KCNH8: variants seen among roughly 807,000 people sequenced by gnomAD.
The protein encoded by KCNH8 is voltage-gated delayed rectifier potassium channel KCNH8.
KCNH8 carries 70 observed loss-of-function variants against 103.6 expected under a neutral mutation model. The ratio of observed to expected loss-of-function variants is 0.68; its 90% CI spans 0.56 to 0.82. KCNH8 has a LOEUF of 0.82. Among genes scored for constraint, KCNH8 ranks in the 40% least tolerant of loss-of-function variants. The pLI is 0.00. For synonymous variants in KCNH8, 498 were observed against 489.4 expected (o/e 1.02, Z -0.23); for missense variants, 1,217 against 1,329.9 (o/e 0.92, Z 1.32).
intron 11 of KCNH8, among the ~76,000 whole-genome samples, chr3:19,488,627 A>G (rs2068259392): frequency 6.6e-6 from 1 of 152,056 alleles, no homozygotes; most frequent in Non-Finnish European, 1.5e-5. Context: ...GACCTTATTT[A>G]AATTTGTAAC....
intron 5 of KCNH8, among the ~76,000 whole-genome samples, chr3:19,354,536 T>C (rs1471958925): frequency 6.6e-6 from 1 of 152,018 alleles, no homozygotes; most frequent in African/African-American, 2.4e-5. Context: ...AACAGAGATA[T>C]AGACCAATGG....
In KCNH8 at chr3:19,194,157, C is replaced by T. The variant is rs146750744; in HGVS notation, c.76+45362C>T. On this transcript the variant is annotated intron_variant, in intron 1 of 15. Coordinates refer to ENST00000328405, the MANE Select transcript of KCNH8 (RefSeq NM_144633.3). Reference sequence around the variant, plus strand: ...TAAAATTCTGCTGGAGAAATTGCTTCTGTTTGATGCTAATAGTAGGTAATA... The same window carrying T: ...TAAAATTCTGCTGGAGAAATTGCTTTTGTTTGATGCTAATAGTAGGTAATA... 3.6e-3 allele frequency among the ~76,000 whole-genome samples: 546 copies of T among 151,516 alleles called. 6 individuals are homozygous for T. Among genetic ancestry groups the T allele is most frequent in the African/African-American group, 0.012 (511 of 41,492 alleles).
chr3:19,365,779 G>T (rs547405525), intron 5 of KCNH8, among the ~76,000 whole-genome samples: 1 of 152,016 alleles, frequency 6.6e-6, no homozygotes, highest in East Asian at 1.9e-4. Flanking sequence ...CAGGTTGCAC[G>T]TAGAAAAATA....
At chr3:19,206,131 A>G (rs2125221325) in intron 1 of KCNH8, among the ~76,000 whole-genome samples, 1 of 139,360 alleles carries the variant, frequency 7.2e-6, no homozygotes, top group South Asian at 2.1e-4. Context: ...GTTGCTGTGA[A>G]TGTCATTAAT....
intron 1 of KCNH8, among the ~76,000 whole-genome samples, chr3:19,165,677 A>G (rs1385662957): frequency 6.6e-6 from 1 of 152,198 alleles, no homozygotes; most frequent in Non-Finnish European, 1.5e-5. Context: ...CTTCCCAGAT[A>G]ATGTCTTCTT....
At chr3:19,204,991 G>C (rs1247288023) in intron 1 of KCNH8, among the ~76,000 whole-genome samples, 2 of 151,884 alleles carry the variant, frequency 1.3e-5, no homozygotes, top group African/African-American at 2.4e-5. Flanking sequence ...ACCTATTAGG[G>C]GGCATATGGT....
intron 15 of KCNH8, among the ~76,000 whole-genome samples, chr3:19,523,133 A>G (rs2125249257): frequency 6.6e-6 from 1 of 151,984 alleles, no homozygotes; most frequent in East Asian, 1.9e-4. Context: ...CTAGCATTTT[A>G]GAGACCAAGC....
intron 3 of KCNH8, among the ~76,000 whole-genome samples, chr3:19,292,077 T>C (rs111912060): frequency 1.3e-3 from 199 of 152,346 alleles, no homozygotes; most frequent in African/African-American, 4.4e-3. Flanking sequence ...GTTAATTTGG[T>C]TTTCCATTCA....
chr3:19,386,648 A>G (rs990523621), intron 5 of KCNH8, among the ~76,000 whole-genome samples: 1 of 152,136 alleles, frequency 6.6e-6, no homozygotes, highest in Non-Finnish European at 1.5e-5. Context: ...CATTAATGAT[A>G]TTAACAAGAA....
rs547225175 is a variant in KCNH8 at position 19,505,971 on chromosome 3, G to A, written c.2041-4392G>A. On this transcript the variant is annotated intron_variant, in intron 11 of 15. Coordinates refer to ENST00000328405, the MANE Select transcript of KCNH8 (RefSeq NM_144633.3). ...GGTTTATTCTGCTCTTAATAATTGA[G>A]GTTGCATTGTAAAATTCTTGTAGTG... Among the ~76,000 whole-genome samples, 3 of 152,036 alleles carry A rather than the reference G, an allele frequency of 2.0e-5. No individual in the cohort carries two copies. In the South Asian group the frequency reaches 6.2e-4, roughly 32 times the overall value.
chr3:19,504,688 G>A (rs1331207951), intron 11 of KCNH8, among the ~76,000 whole-genome samples: 1 of 152,126 alleles, frequency 6.6e-6, no homozygotes, highest in African/African-American at 2.4e-5. Context: ...ACAGATGCTG[G>A]AAAGATTGCA....
intron 11 of KCNH8, among the ~76,000 whole-genome samples, chr3:19,458,078 G>T (rs527385903): frequency 1.4e-5 from 2 of 147,108 alleles, no homozygotes; most frequent in African/African-American, 5.4e-5. Context: ...GGTAAGTCTT[G>T]ATCTATTTTT....
chr3:19,200,231 G>A (rs1405816120), intron 1 of KCNH8, among the ~76,000 whole-genome samples: 1 of 151,910 alleles, frequency 6.6e-6, no homozygotes, highest in Non-Finnish European at 1.5e-5. Flanking sequence ...AGATAATGTT[G>A]ACATAAAAGA....
intron 7 of KCNH8, among the ~76,000 whole-genome samples, chr3:19,399,654 G>C (rs1310430333): frequency 6.6e-6 from 1 of 151,918 alleles, no homozygotes; most frequent in East Asian, 1.9e-4. Context: ...CATAGTGTGT[G>C]CTTGCAGTTG....
intron 2 of KCNH8, among the ~76,000 whole-genome samples, chr3:19,266,545 T>C (rs1242326183): frequency 4.6e-5 from 7 of 152,124 alleles, no homozygotes; most frequent in Non-Finnish European, 1.5e-5. Flanking sequence ...GTGTTATAAC[T>C]TTCTCTTTAT....
chr3:19,163,325 A>C (rs2063251925), intron 1 of KCNH8, among the ~76,000 whole-genome samples: 1 of 150,666 alleles, frequency 6.6e-6, no homozygotes, highest in Non-Finnish European at 1.5e-5. Flanking sequence ...TTTTTAAAAT[A>C]GTTTTGCAAA....
rs528210146 is a variant in KCNH8, at chr3:19,507,751, G to A, written c.2041-2612G>A. Among the ~76,000 whole-genome samples, 15 of 152,254 alleles carry A rather than the reference G, an allele frequency of 9.9e-5. No homozygotes were observed. In the East Asian group the frequency reaches 2.5e-3, roughly 26 times the overall value. ...GCTTTTTCCACAGGGCAGCTGCATTGTGCTGGGGATCTGCACCAGTCCCTT... is the reference window on the plus strand; with the variant it reads ...GCTTTTTCCACAGGGCAGCTGCATTATGCTGGGGATCTGCACCAGTCCCTT... On this transcript the variant is annotated intron_variant, in intron 11 of 15. Transcript: ENST00000328405.
chr3:19,200,578 T>C (rs369946407), intron 1 of KCNH8, among the ~76,000 whole-genome samples: 2 of 152,046 alleles, frequency 1.3e-5, no homozygotes, highest in South Asian at 2.1e-4. Flanking sequence ...TAGCTAACCA[T>C]GGTTTTCAAT....
chr3:19,330,951 A>G (rs2065496846), intron 3 of KCNH8, among the ~76,000 whole-genome samples: 2 of 152,188 alleles, frequency 1.3e-5, no homozygotes, highest in African/African-American at 4.8e-5. Flanking sequence ...TCTCTACTGA[A>G]GAAGTAAGAT....
Sources: allele counts gnomAD v4.1 joint callset (sites outside exome capture counted in the v4.1 genomes callset), GRCh38; gene constraint gnomAD v4.1.1; transcripts MANE v1.5; gene names NCBI Gene and HGNC (gene_info 2026-07-23, HGNC 2026-07-21).